Variants in ADAMTSL1 observed in about 807,000 individuals in gnomAD.
The protein encoded by ADAMTSL1 is ADAMTS like 1.
In ADAMTSL1, 126 loss-of-function variants were observed where a neutral mutation model predicts 201.8. That is an observed-to-expected ratio of 0.62 (90% CI 0.54 to 0.72). The LOEUF (loss-of-function observed/expected upper bound fraction) is 0.72. Among genes scored for constraint, ADAMTSL1 ranks in the 30% least tolerant of loss-of-function variants. ADAMTSL1 has a pLI of 0.00. For missense variants in ADAMTSL1, 2,679 were observed against 2,277.8 expected, an observed-to-expected ratio of 1.18 and a Z score of -3.59; for synonymous variants, 1,121 against 903.4, an observed-to-expected ratio of 1.24 and a Z score of -4.32.
At chr9:17,955,203 T>A (rs1026199012) in intron 1 of ADAMTSL1, among the ~76,000 whole-genome samples, 5 of 152,234 alleles carry the variant, frequency 3.3e-5, no homozygotes, top group African/African-American at 9.6e-5. Flanking sequence ...GCCTTTTGTT[T>A]GAATTCAAAG....
At chr9:18,175,629 C>T (rs1433446078) in intron 2 of ADAMTSL1, among the ~76,000 whole-genome samples, 1 of 152,124 alleles carries the variant, frequency 6.6e-6, no homozygotes, top group African/African-American at 2.4e-5. Flanking sequence ...GCCTTGCTCA[C>T]AGGACTTCTT....
At chr9:18,120,415 G>A (rs1825447718) in intron 1 of ADAMTSL1, among the ~76,000 whole-genome samples, 2 of 152,186 alleles carry the variant, frequency 1.3e-5, no homozygotes, top group South Asian at 4.1e-4. Context: ...ATACAAGAGG[G>A]GAATGGAGGA....
chr9:18,428,917 C>T (rs556368318), intron 2 of ADAMTSL1, among the ~76,000 whole-genome samples: 1 of 152,314 alleles, frequency 6.6e-6, no homozygotes, highest in South Asian at 2.1e-4. Flanking sequence ...ATTGCTGCTC[C>T]TCACTGAAAT....
rs1261608947 is a variant in ADAMTSL1, at chr9:18,740,508, C to T, written c.2007-12790C>T. The stretch of plus-strand genomic sequence containing the variant: ...TTTTTTTTTTTTTGAGAGGAGTCTC[C>T]CTCTGTCACCCAGGCTACAGTGCAA... On this transcript the variant is annotated intron_variant, in intron 15 of 28. Coordinates refer to ENST00000380548, the MANE Select transcript of ADAMTSL1 (RefSeq NM_001040272.6). Among the ~76,000 whole-genome samples the T allele has an allele frequency of 2.8e-5, 4 of 141,752 alleles. No individual in the cohort carries two copies. In the East Asian group the frequency reaches 8.1e-4, roughly 29 times the overall value. The allele number at this position is 141,752 out of a possible 152,430, so 93.0% of individuals were successfully genotyped here.
intron 1 of ADAMTSL1, among the ~76,000 whole-genome samples, chr9:18,151,687 T>C (rs929121027): frequency 1.3e-5 from 2 of 151,994 alleles, no homozygotes; most frequent in African/African-American, 4.8e-5. Flanking sequence ...CTTTATAACA[T>C]AGTAAGAAAG....
intron 5 of ADAMTSL1, among the ~76,000 whole-genome samples, chr9:18,629,703 T>G (rs1826622421): frequency 6.6e-6 from 1 of 152,206 alleles, no homozygotes; most frequent in Non-Finnish European, 1.5e-5. Flanking sequence ...GTATTCTTTT[T>G]TGTATTGTCT....
intron 2 of ADAMTSL1, among the ~76,000 whole-genome samples, chr9:18,410,295 C>A (rs972358134): frequency 6.6e-6 from 1 of 151,800 alleles, no homozygotes. Flanking sequence ...GTTTACTGTG[C>A]AGATCATCCT....
chr9:18,857,357 G>C (rs926075330), intron 23 of ADAMTSL1, among the ~76,000 whole-genome samples: 1 of 152,144 alleles, frequency 6.6e-6, no homozygotes, highest in Non-Finnish European at 1.5e-5. Flanking sequence ...TGTCCCTTCT[G>C]TTTCTTCAAA....
At chr9:18,253,296 G>C (rs1831540077) in intron 2 of ADAMTSL1, among the ~76,000 whole-genome samples, 1 of 152,194 alleles carries the variant, frequency 6.6e-6, no homozygotes, top group African/African-American at 2.4e-5. Flanking sequence ...AGGAGGGAAT[G>C]AAAGGGACCC....
At chr9:18,030,018 A>G (rs1820876180) in intron 1 of ADAMTSL1, among the ~76,000 whole-genome samples, 1 of 152,062 alleles carries the variant, frequency 6.6e-6, no homozygotes. Flanking sequence ...AACTAGAAAT[A>G]CCATTTGACC....
At chr9:18,597,975 C>G (rs1010814250) in intron 4 of ADAMTSL1, among the ~76,000 whole-genome samples, 1 of 152,140 alleles carries the variant, frequency 6.6e-6, no homozygotes, top group African/African-American at 2.4e-5. Context: ...TTTGGTTAGA[C>G]TGCCCTGAGG....
chr9:18,531,097 G>T (rs561250154), intron 2 of ADAMTSL1, among the ~76,000 whole-genome samples: 1 of 152,194 alleles, frequency 6.6e-6, no homozygotes, highest in East Asian at 1.9e-4. Context: ...TTTTCTTAGG[G>T]GTGTACTCAC....
intron 1 of ADAMTSL1, among the ~76,000 whole-genome samples, chr9:18,155,403 A>G (rs1827109517): frequency 6.6e-6 from 1 of 152,054 alleles, no homozygotes; most frequent in Non-Finnish European, 1.5e-5. Flanking sequence ...AGATAAAGTC[A>G]GAGCTGTCTG....
chr9:18,263,987 A>T (rs1832026518), intron 2 of ADAMTSL1, among the ~76,000 whole-genome samples: 1 of 152,192 alleles, frequency 6.6e-6, no homozygotes, highest in South Asian at 2.1e-4. Context: ...AGACTAAGAC[A>T]GTTCCTGGAC....
intron 1 of ADAMTSL1, among the ~76,000 whole-genome samples, chr9:18,050,687 C>CT (rs1236641603): frequency 6.6e-6 from 1 of 151,970 alleles, no homozygotes; most frequent in African/African-American, 2.4e-5. Context: ...GAAGTGTGCA[C>CT]TTTTTTGTGA....
intron 2 of ADAMTSL1, among the ~76,000 whole-genome samples, chr9:18,226,162 T>C (rs1830429238): frequency 6.6e-6 from 1 of 152,180 alleles, no homozygotes; most frequent in Non-Finnish European, 1.5e-5. Context: ...GTAATGTAAT[T>C]AATTGTGTTT....
chr9:17,922,455 A>G (rs76891983), intron 1 of ADAMTSL1, among the ~76,000 whole-genome samples: 3,055 of 152,238 alleles, frequency 0.02, 98 homozygotes, highest in African/African-American at 0.07. Flanking sequence ...CCTGAGCCTC[A>G]ATCTCAGAGA....
At chr9:18,095,879 T>C (rs902424710) in intron 1 of ADAMTSL1, among the ~76,000 whole-genome samples, 7 of 152,218 alleles carry the variant, frequency 4.6e-5, no homozygotes, top group African/African-American at 1.7e-4. Context: ...CAGCAATGCC[T>C]ACTGCTACTG....
intron 2 of ADAMTSL1, among the ~76,000 whole-genome samples, chr9:18,530,194 C>G (rs1364722026): frequency 2.0e-5 from 3 of 152,196 alleles, no homozygotes; most frequent in Admixed American, 1.3e-4. Flanking sequence ...ATAGGCTTTC[C>G]TAAATTCATT....
Sources: allele counts gnomAD v4.1 joint callset (sites outside exome capture counted in the v4.1 genomes callset), GRCh38; gene constraint gnomAD v4.1.1; transcripts MANE v1.5; gene names NCBI Gene and HGNC (gene_info 2026-07-23, HGNC 2026-07-21).